ITPRID1: variants seen among roughly 807,000 people sequenced by gnomAD.
ITPRID1 encodes protein ITPRID1.
ITPRID1 carries 96 observed loss-of-function variants against 95.4 expected under a neutral mutation model. The observed-to-expected ratio is 1.01, with a 90% confidence interval of 0.85 to 1.19. The LOEUF (loss-of-function observed/expected upper bound fraction) is 1.19. Among genes scored for constraint, ITPRID1 ranks in the 50% most tolerant of loss-of-function variants. ITPRID1 has a pLI of 0.00. For synonymous variants in ITPRID1, 510 were observed against 453.6 expected (o/e 1.12, Z -1.58); for missense variants, 1,339 against 1,252.9 (o/e 1.07, Z -1.04).
intron 10 of ITPRID1, among the ~76,000 whole-genome samples, chr7:31,592,451 A>G (rs759967516): frequency 2.0e-5 from 3 of 152,224 alleles, no homozygotes; most frequent in Non-Finnish European, 4.4e-5. Context: ...ATTCAAGTTG[A>G]TTAAGATGTT....
chr7:31,653,059 A>G lies in ITPRID1; in HGVS notation c.*230A>G, dbSNP rs1264913183. On this transcript the variant is annotated 3_prime_UTR_variant, in exon 15 of 15. Coordinates refer to ENST00000615280, the MANE Select transcript of ITPRID1 (RefSeq NM_001257967.3). ...GCCTGGCACAGAGTATGCAACAGTG[A>G]CTAAATAGTATACGGTCTCTGCCCT... 9.1e-7 allele frequency: 1 copy of G among 1,095,304 alleles called. No homozygotes were observed. Among genetic ancestry groups the G allele is most frequent in the Non-Finnish European group, 1.2e-6 (1 of 810,808 alleles). The allele number at this position is 1,095,304 out of a possible 1,614,324, so 67.8% of individuals were successfully genotyped here.
At chr7:31,599,585 TTTTCTTTCTTTC>T (rs527461356) in intron 10 of ITPRID1, among the ~76,000 whole-genome samples, 1,825 of 112,762 alleles carry the variant, frequency 0.016, 78 homozygotes, top group South Asian at 0.066. Context: ...TGTTGTGTTA[TTTTCTTTCTTTC>T]TTTCTTTCTT....
In ITPRID1 at chr7:31,515,646, G is replaced by A. The variant is rs116491763; in HGVS notation, c.-98+1526G>A. Among the ~76,000 whole-genome samples, 747 of 152,304 alleles carry A rather than the reference G, an allele frequency of 4.9e-3. 10 individuals are homozygous for A. The highest frequency in any genetic ancestry group is 0.017 in the African/African-American group (718 of 41,558). On this transcript the variant is annotated intron_variant, in intron 1 of 14. Transcript: ENST00000615280. The stretch of plus-strand genomic sequence containing the variant: ...TTGGACATACCATGATGTCCAGTAC[G>A]TGAAAAAGCCCAGAGGACAAGGATT...
intron 1 of ITPRID1, among the ~76,000 whole-genome samples, chr7:31,540,173 A>G (rs1783888166): frequency 6.6e-6 from 1 of 152,096 alleles, no homozygotes; most frequent in South Asian, 2.1e-4. Context: ...TGACTGTAGG[A>G]GTAACACCGT....
At chr7:31,520,575 G>GTTTGGCACTTTTCTTACTTTCTGGCACT (rs1783218698) in intron 1 of ITPRID1, among the ~76,000 whole-genome samples, 1 of 144,226 alleles carries the variant, frequency 6.9e-6, no homozygotes, top group African/African-American at 2.6e-5. Flanking sequence ...GAGAGAGAGA[G>GTTTGGCACTTTTCTTACTTTCTGGCACT]AGAGAGTTTG....
At chr7:31,625,002 G>T (rs978555574) in intron 10 of ITPRID1, among the ~76,000 whole-genome samples, 1 of 152,170 alleles carries the variant, frequency 6.6e-6, no homozygotes, top group African/African-American at 2.4e-5. Context: ...CATTTATGCA[G>T]TCAAAAAACA....
At chr7:31,573,888 TTATAAA>T (rs1462797917) in intron 7 of ITPRID1, among the ~76,000 whole-genome samples, 3 of 151,222 alleles carry the variant, frequency 2.0e-5, no homozygotes, top group South Asian at 2.1e-4. Context: ...TTAATAAAAA[TTATAAA>T]TATAATTTCC....
chr7:31,561,567 G>A (rs1039026460), intron 5 of ITPRID1, among the ~76,000 whole-genome samples: 4 of 152,166 alleles, frequency 2.6e-5, no homozygotes, highest in African/African-American at 9.7e-5. Context: ...ACTGCAAAAG[G>A]TTGGACAGCT....
chr7:31,566,053 A>G (rs1256629254), intron 5 of ITPRID1, among the ~76,000 whole-genome samples: 2 of 152,174 alleles, frequency 1.3e-5, no homozygotes, highest in Non-Finnish European at 2.9e-5. Context: ...CCTAGCAATC[A>G]GATTGCTCCT....
chr7:31,653,107 G>A lies in ITPRID1; in HGVS notation c.*278G>A. On this transcript the variant is annotated 3_prime_UTR_variant, in exon 15 of 15. Transcript: ENST00000615280. ...CCTGCTAGAACTTACAGTGTAGTGGGGGAGATAGAATTGCAAACAAAAAGT... is the reference window on the plus strand; with the variant it reads ...CCTGCTAGAACTTACAGTGTAGTGGAGGAGATAGAATTGCAAACAAAAAGT... 1 of 606,560 alleles carries A rather than the reference G, an allele frequency of 1.6e-6. No individual in the cohort carries two copies. Among genetic ancestry groups the A allele is most frequent in the Non-Finnish European group, 2.4e-6 (1 of 416,496 alleles). 37.6% of individuals were successfully genotyped at this position (606,560 alleles called of 1,614,324 possible).
chr7:31,615,912 CCTGG>C (rs1272906080), intron 10 of ITPRID1, among the ~76,000 whole-genome samples: 1 of 151,988 alleles, frequency 6.6e-6, no homozygotes, highest in Non-Finnish European at 1.5e-5. Flanking sequence ...TGCCACCACG[CCTGG>C]CTAATTTTTT....
In ITPRID1 at chr7:31,518,856, A is replaced by G. The variant is rs1783129227; in HGVS notation, c.-98+4736A>G. Among the ~76,000 whole-genome samples, 2 of 152,212 alleles carry G rather than the reference A, an allele frequency of 1.3e-5. 1 individual carries two copies. Among genetic ancestry groups the G allele is most frequent in the South Asian group, 4.1e-4 (2 of 4,826 alleles). On this transcript the variant is annotated intron_variant, in intron 1 of 14. Transcript: ENST00000615280. ...CCTACAGAAAAAGTCTTCTAAACCA[A>G]TTCCCACAGAGCAGACATTTCCTGA...
intron 1 of ITPRID1, among the ~76,000 whole-genome samples, chr7:31,539,208 G>A (rs1031953149): frequency 6.6e-6 from 1 of 151,920 alleles, no homozygotes; most frequent in African/African-American, 2.4e-5. Context: ...ATTTTGATAC[G>A]GGGTCTTGCT....
intron 1 of ITPRID1, among the ~76,000 whole-genome samples, chr7:31,537,990 A>G (rs964781071): frequency 2.0e-5 from 3 of 152,220 alleles, no homozygotes; most frequent in Admixed American, 2.0e-4. Flanking sequence ...ACAGTATTCC[A>G]TCAGGTAAAA....
At chr7:31,616,252 T>C (rs1787214501) in intron 10 of ITPRID1, among the ~76,000 whole-genome samples, 1 of 152,194 alleles carries the variant, frequency 6.6e-6, no homozygotes, top group African/African-American at 2.4e-5. Context: ...TTAATTTAAA[T>C]GTAAGTTATT....
At chr7:31,593,198 G>A (rs1387871715) in intron 10 of ITPRID1, among the ~76,000 whole-genome samples, 6 of 151,968 alleles carry the variant, frequency 3.9e-5, no homozygotes, top group Non-Finnish European at 7.4e-5. Flanking sequence ...CCAGCTACTC[G>A]GGAGGCTGAG....
chr7:31,603,109 G>C (rs1202567031), intron 10 of ITPRID1, among the ~76,000 whole-genome samples: 1 of 152,072 alleles, frequency 6.6e-6, no homozygotes. Context: ...CTGATCCCTA[G>C]AGCTTGAATG....
intron 1 of ITPRID1, among the ~76,000 whole-genome samples, chr7:31,538,923 G>T (rs1024116598): frequency 6.6e-6 from 1 of 152,008 alleles, no homozygotes; most frequent in Non-Finnish European, 1.5e-5. Flanking sequence ...ACCCAATTAC[G>T]GTGGTTCCTG....
intron 3 of ITPRID1, among the ~76,000 whole-genome samples, chr7:31,553,901 T>C (rs1784366032): frequency 6.6e-6 from 1 of 152,218 alleles, no homozygotes; most frequent in Non-Finnish European, 1.5e-5. Flanking sequence ...TGTTGACTAT[T>C]TGTTGAGCCA....
Sources: allele counts gnomAD v4.1 joint callset (sites outside exome capture counted in the v4.1 genomes callset), GRCh38; gene constraint gnomAD v4.1.1; transcripts MANE v1.5; gene names NCBI Gene and HGNC (gene_info 2026-07-23, HGNC 2026-07-21).